Variants in ACCS observed in about 807,000 individuals in gnomAD.
The protein encoded by ACCS is 1-aminocyclopropane-1-carboxylate synthase-like protein 1.
Under a neutral mutation model 59.8 loss-of-function variants are expected in ACCS, and 42 were observed. The ratio of observed to expected loss-of-function variants is 0.70; its 90% CI spans 0.55 to 0.91. The LOEUF (loss-of-function observed/expected upper bound fraction) is 0.91, where lower values mean the gene tolerates loss of function less well. ACCS is among the 40% of genes least tolerant of loss of function. The pLI is 0.00. For missense variants in ACCS, 602 were observed against 630.4 expected, an observed-to-expected ratio of 0.95 and a Z score of 0.48; for synonymous variants, 230 against 240.3, an observed-to-expected ratio of 0.96 and a Z score of 0.40.
At chr11:44,067,990 C>T (rs1177292266) in intron 2 of ACCS, 75 bp downstream of exon 2, 3 of 1,459,794 alleles carry the variant, frequency 2.1e-6, no homozygotes, top group African/African-American at 2.8e-5. Context: ...ACCAATAAGG[C>T]AGCATCCAGC....
chr11:44,074,523 A>C, intron 4 of ACCS, 89 bp from the exon 5 acceptor site: 1 of 986,054 alleles, frequency 1.0e-6, no homozygotes, highest in Non-Finnish European at 1.6e-6. Context: ...GAGTGATGGC[A>C]GCTGCCTGAG....
intron 10 of ACCS, 77 bp from the exon 11 acceptor site, chr11:44,080,943 C>G (rs1054246336): frequency 6.4e-7 from 1 of 1,574,150 alleles, no homozygotes; most frequent in East Asian, 2.2e-5. Context: ...CCACCCATCT[C>G]TTCATTTGTT....
intron 8 of ACCS, chr11:44,078,409 G>A (rs187693053): frequency 4.8e-6 from 2 of 416,822 alleles, no homozygotes; most frequent in African/African-American, 2.0e-5. Context: ...CATACTCACT[G>A]TAGGAATTTT....
At chr11:44,075,971 T>G (rs547153683) in intron 6 of ACCS, 1 of 187,910 alleles carries the variant, frequency 5.3e-6, no homozygotes, top group East Asian at 1.3e-4. Flanking sequence ...CACTTCTATC[T>G]TCCTGACCAG....
Position 44,067,741 on chromosome 11 carries a change from A to AAAACTGG in ACCS, c.116_122dup (p.Asp41GlufsTer14), listed in dbSNP as rs1952858598. ...AAGATCTGGAAGGAGAATGCTCCAG[A>AAAACTGG]AAACTGGACCAGAAGCTGCCAGAGC... On this transcript the variant is annotated frameshift_variant, in exon 2 of 15. Transcript: ENST00000263776. LOFTEE classifies it high-confidence loss of function. 2 of 1,614,238 alleles carry AAAACTGG rather than the reference A, an allele frequency of 1.2e-6. No individual in the cohort carries two copies. Among genetic ancestry groups the AAAACTGG allele is most frequent in the Non-Finnish European group, 1.7e-6 (2 of 1,180,036 alleles).
At chr11:44,077,451 TG>T in intron 7 of ACCS, 75 bp downstream of exon 7, 1 of 1,598,230 alleles carries the variant, frequency 6.3e-7, no homozygotes, top group East Asian at 2.2e-5. Flanking sequence ...AATTTGAGGG[TG>T]GTCCATGCTG....
Position 44,081,210 on chromosome 11 carries a change from C to A in ACCS, c.1001C>A (p.Thr334Lys). 6.2e-7 allele frequency: 1 copy of A among 1,614,234 alleles called. No homozygotes were observed. Among genetic ancestry groups the A allele is most frequent in the Non-Finnish European group, 8.5e-7 (1 of 1,180,036 alleles). The change falls in exon 12 of 15, where the codon ACG (threonine) becomes AAG (lysine). Residue 334 changes from threonine to lysine, a missense_variant. Thr to Lys is a moderately conservative substitution (Grantham distance 78). Coordinates refer to ENST00000263776, the MANE Select transcript of ACCS (RefSeq NM_032592.4). The part of the protein sequence containing the change: ...DFGMSGLRFG[T>K]LYTENQDVAT... ...GGGATGTCTGGGCTCCGCTTTGGCA[C>A]GCTGTACACAGAAAACCAGGATGTG...
rs778950296 is a variant in ACCS, at chr11:44,073,426, C to T, written c.349-21C>T. On this transcript the variant is annotated intron_variant, in intron 3 of 14. Coordinates refer to ENST00000263776, the MANE Select transcript of ACCS (RefSeq NM_032592.4). Reference sequence around the variant, plus strand: ...GTAGCAGTGCTGGCCCTCAGCCGTGCTCTTCCCTCTCTGTCCCCAGCTGAG... The same window carrying T: ...GTAGCAGTGCTGGCCCTCAGCCGTGTTCTTCCCTCTCTGTCCCCAGCTGAG... 7 of 1,601,046 alleles carry T rather than the reference C, an allele frequency of 4.4e-6. No homozygotes were observed. In the Admixed American group the frequency reaches 1.2e-4, roughly 27 times the overall value.
intron 9 of ACCS, chr11:44,079,185 T>G (rs1194196258): frequency 2.7e-6 from 1 of 367,598 alleles, no homozygotes; most frequent in African/African-American, 2.0e-5. Context: ...TGTTATCACA[T>G]CCAGCTCACT....
At chr11:44,082,458 G>A (rs534716995) in intron 12 of ACCS, among the ~76,000 whole-genome samples, 5 of 152,278 alleles carry the variant, frequency 3.3e-5, no homozygotes, top group South Asian at 2.1e-4. Flanking sequence ...AATAAAATCC[G>A]TGGCAGTATG....
chr11:44,083,398 G>A, intron 13 of ACCS, 26 bp from the exon 14 acceptor site: 1 of 1,613,994 alleles, frequency 6.2e-7, no homozygotes, highest in Non-Finnish European at 8.5e-7. Context: ...TCTCAGCTAT[G>A]TCCTGAGCCC....
rs1367957828 is a variant in ACCS, at chr11:44,066,556, G to A, written c.-146G>A. The A allele has an allele frequency of 6.6e-6, 1 of 152,278 alleles. No individual in the cohort carries two copies. The highest frequency in any genetic ancestry group is 1.5e-5 in the Non-Finnish European group (1 of 68,074). 9.4% of individuals were successfully genotyped at this position (152,278 alleles called of 1,614,324 possible). A position where few individuals can be genotyped will look rare whatever the true frequency, so the allele number is the denominator to read the frequency against. On this transcript the variant is annotated 5_prime_UTR_variant, in exon 1 of 15. Transcript: ENST00000263776. ...GGATTCCAAGGCCTCATCGAGTGCGGGTATCTGGCTGTGGATTCGCCGCCG... is the reference window on the plus strand; with the variant it reads ...GGATTCCAAGGCCTCATCGAGTGCGAGTATCTGGCTGTGGATTCGCCGCCG...
chr11:44,074,732 ATC>A (rs1356880794), intron 5 of ACCS, 51 bp downstream of exon 5: 26 of 851,610 alleles, frequency 3.1e-5, no homozygotes, highest in African/African-American at 2.0e-4. Context: ...TCCCCTCTCC[ATC>A]TCTTTCTTTC....
chr11:44,080,594 ACCATT>A, intron 10 of ACCS: 3 of 192,070 alleles, frequency 1.6e-5, no homozygotes, highest in Non-Finnish European at 3.3e-5. Context: ...AGCCAGAAAA[ACCATT>A]TTAGCGGCTA....
Position 44,077,257 on chromosome 11 carries a change from C to T in ACCS, c.557-22C>T, listed in dbSNP as rs757350198. On this transcript the variant is annotated intron_variant, in intron 6 of 14. Coordinates refer to ENST00000263776, the MANE Select transcript of ACCS (RefSeq NM_032592.4). ...GTGTTCTGGCCAGAAAGTGACAGGCCCTCGCCCACTCCTGCCCCCAGAGGC... is the reference window on the plus strand; with the variant it reads ...GTGTTCTGGCCAGAAAGTGACAGGCTCTCGCCCACTCCTGCCCCCAGAGGC... 5 of 1,609,296 alleles carry T rather than the reference C, an allele frequency of 3.1e-6. No homozygotes were observed. The Admixed American group carries it at 8.4e-5, about 27-fold the overall frequency.
chr11:44,075,590 G>T lies in ACCS; in HGVS notation c.554G>T (p.Gly185Val). 6.2e-7 allele frequency: 1 copy of T among 1,614,012 alleles called. No individual in the cohort carries two copies. Among genetic ancestry groups the T allele is most frequent in the South Asian group, 1.1e-5 (1 of 91,082 alleles). Reference sequence around the variant, plus strand: ...CTGGCCACGGTGCTGTGTGAGGCCGGGGGTAAGTGAGCTCTGTGGCCTGCC... The same window carrying T: ...CTGGCCACGGTGCTGTGTGAGGCCGTGGGTAAGTGAGCTCTGTGGCCTGCC... ...SALATVLCEA[G>V]EAFLIPTPYY... The change falls in exon 6 of 15, where the codon GGG becomes GTG. Residue 185 changes from glycine (G) to valine (V), a missense_variant and splice_region_variant. Transcript: ENST00000263776.
chr11:44,079,354 G>A (rs1953529930), intron 9 of ACCS, 177 bp from the exon 10 acceptor site: 1 of 598,200 alleles, frequency 1.7e-6, no homozygotes, highest in African/African-American at 1.9e-5. Flanking sequence ...TGCTCTGTAT[G>A]TGTGGCTTTC....
intron 2 of ACCS, 77 bp downstream of exon 2, chr11:44,067,992 G>C: frequency 6.9e-7 from 1 of 1,455,800 alleles, no homozygotes; most frequent in Non-Finnish European, 9.2e-7. Context: ...CAATAAGGCA[G>C]CATCCAGCCT....
intron 3 of ACCS, 95 bp from the exon 4 acceptor site, chr11:44,073,352 A>T (rs904842162): frequency 9.9e-7 from 1 of 1,012,164 alleles, no homozygotes; most frequent in Non-Finnish European, 1.5e-6. Context: ...AGTTTCTCTG[A>T]TGAGCAGAAC....
Sources: gnomAD v4.1 joint callset for allele counts (sites outside exome capture counted in the v4.1 genomes callset) on GRCh38, gnomAD v4.1.1 for gene constraint, MANE v1.5 for transcripts, NCBI Gene and HGNC (gene_info 2026-07-23, HGNC 2026-07-21) for gene names.